Variants in PKD2 observed in about 807,000 individuals in gnomAD.
PKD2 encodes polycystin-2.
A neutral mutation model predicts 105.9 loss-of-function variants in PKD2; 48 were observed. That is an observed-to-expected ratio of 0.45 (90% CI 0.36 to 0.58). The LOEUF is 0.58. Among genes scored for constraint, PKD2 ranks in the 20% least tolerant of loss-of-function variants. The probability of loss-of-function intolerance (pLI) is 0.00; values close to 1 mark genes in which losing one functional copy is unlikely to be tolerated. For missense variants in PKD2, 1,078 were observed against 1,255.3 expected (o/e 0.86, Z 2.13); for synonymous variants, 464 against 481.1 (o/e 0.96, Z 0.46).
chr4:88,070,222 T>G (rs1201646219), intron 13 of PKD2, among the ~76,000 whole-genome samples: 1 of 152,198 alleles, frequency 6.6e-6, no homozygotes, highest in Non-Finnish European at 1.5e-5. Context: ...GTGGTCCCCT[T>G]GTACATGATG....
intron 12 of PKD2, 40 bp downstream of exon 12, chr4:88,065,919 T>G: frequency 1.9e-6 from 2 of 1,057,612 alleles, no homozygotes; most frequent in Non-Finnish European, 3.0e-6. Context: ...ATTTGGTACC[T>G]ACAACACCAC....
At position 88,065,305 on chromosome 4, in the gene PKD2, T is replaced by A; in HGVS notation, c.2119-69T>A. 2.1e-6 allele frequency: 3 copies of A among 1,425,800 alleles called. No individual in the cohort carries two copies. The South Asian group carries it at 3.5e-5, about 16-fold the overall frequency. The allele number at this position is 1,425,800 out of a possible 1,614,324, so 88.3% of individuals were successfully genotyped here. ...GGTTTGTAGTAGTTACTACTGTGAATGGAAAGTAAAACAGATGCAAAAGGA... is the reference window on the plus strand; with the variant it reads ...GGTTTGTAGTAGTTACTACTGTGAAAGGAAAGTAAAACAGATGCAAAAGGA... On this transcript the variant is annotated intron_variant, in intron 10 of 14. Coordinates refer to ENST00000237596, the MANE Select transcript of PKD2 (RefSeq NM_000297.4).
rs373742634 is a variant in PKD2 at position 88,056,102 on chromosome 4, A to G, written c.1733A>G (p.Asn578Ser). The G allele has an allele frequency of 1.1e-5, 17 of 1,612,672 alleles. No homozygotes were observed. The highest frequency in any genetic ancestry group is 1.6e-4 in the Middle Eastern group (1 of 6,062). Residue 578 changes from asparagine to serine, a missense_variant, in exon 8 of 15, where the codon AAT becomes AGT. By Grantham distance (46) the Asn-to-Ser change is conservative. Around this residue, in one of 2 missense-constraint regions of PKD2, gnomAD observed 868 missense variants for 1,067.3 expected, o/e 0.81. Transcript: ENST00000237596. The stretch of plus-strand genomic sequence containing the variant: ...CTCTTACAGCTCTTCAAATTCATCA[A>G]TTTTAACAGGACCATGAGCCAGCTC... ...FVWIKLFKFI[N>S]FNRTMSQLST...
chr4:88,024,251 G>A (rs1726868108), intron 2 of PKD2, among the ~76,000 whole-genome samples: 2 of 151,932 alleles, frequency 1.3e-5, no homozygotes, highest in Admixed American at 6.6e-5. Flanking sequence ...GAGGTCACGA[G>A]TTCAAGACCA....
intron 1 of PKD2, among the ~76,000 whole-genome samples, chr4:88,010,229 G>T (rs1025200957): frequency 6.6e-6 from 1 of 151,892 alleles, no homozygotes; most frequent in Non-Finnish European, 1.5e-5. Context: ...CAAGTAGTTG[G>T]GATTACAGGT....
At chr4:88,036,014 A>G (rs112660125) in intron 2 of PKD2, 7 of 695,294 alleles carry the variant, frequency 1.0e-5, no homozygotes, top group African/African-American at 3.6e-5. Flanking sequence ...GCCAATATTA[A>G]TATTACGTAT....
intron 2 of PKD2, among the ~76,000 whole-genome samples, chr4:88,027,396 C>T (rs1726995539): frequency 6.6e-6 from 1 of 152,168 alleles, no homozygotes; most frequent in Non-Finnish European, 1.5e-5. Context: ...CCTGTGACCC[C>T]TTTGTTTTGG....
At chr4:88,018,651 C>T (rs549405862) in intron 1 of PKD2, among the ~76,000 whole-genome samples, 1 of 152,286 alleles carries the variant, frequency 6.6e-6, no homozygotes, top group East Asian at 1.9e-4. Flanking sequence ...CTGGCTGAGT[C>T]CAAAACTGCG....
intron 9 of PKD2, among the ~76,000 whole-genome samples, chr4:88,060,026 C>T (rs937839691): frequency 2.2e-4 from 34 of 152,248 alleles, no homozygotes; most frequent in Admixed American, 2.0e-3. Context: ...CAGGGAACCT[C>T]GGGAGACAGG....
chr4:88,073,229 A>G (rs1052072235), intron 13 of PKD2, among the ~76,000 whole-genome samples: 1 of 151,370 alleles, frequency 6.6e-6, no homozygotes, highest in Non-Finnish European at 1.5e-5. Context: ...TTTTGTAACA[A>G]GAGTGGGAAA....
chr4:88,046,541 C>T lies in PKD2; in HGVS notation c.1320-101C>T, dbSNP rs931481053. The T allele has an allele frequency of 1.8e-5, 14 of 783,308 alleles. No individual in the cohort carries two copies. The Admixed American group carries it at 1.9e-4, about 11-fold the overall frequency. 48.5% of individuals were successfully genotyped at this position (783,308 alleles called of 1,614,324 possible). ...TTGGGGGGACTCATGGTAGCAGTTT[C>T]ATTACCTTGTAATGCATGAACAGAA... On this transcript the variant is annotated intron_variant, in intron 5 of 14. Transcript: ENST00000237596.
chr4:88,031,067 A>T (rs1727130677), intron 2 of PKD2, among the ~76,000 whole-genome samples: 1 of 152,164 alleles, frequency 6.6e-6, no homozygotes, highest in Non-Finnish European at 1.5e-5. Flanking sequence ...TCAATTTTGA[A>T]TTTTGGTCTT....
chr4:88,060,447 T>TATATATATATATATATCATATATAC lies in PKD2; in HGVS notation c.2020-1449_2020-1448insATATATCATATATACATATATATAT, dbSNP rs1720527891. ...TTTACTAAGCCACTATATCCATATA[T>TATATATATATATATATCATATATAC]ATATATATATCATATATACTGTATA... is the stretch of plus-strand genomic sequence containing the variant. On this transcript the variant is annotated intron_variant, in intron 9 of 14. Coordinates refer to ENST00000237596, the MANE Select transcript of PKD2 (RefSeq NM_000297.4). Among the ~76,000 whole-genome samples the TATATATATATATATATCATATATAC allele has an allele frequency of 3.3e-5, 5 of 151,314 alleles. No individual in the cohort carries two copies. In the South Asian group the frequency reaches 1.0e-3, roughly 31 times the overall value.
At chr4:88,036,007 A>T (rs1304827143) in intron 2 of PKD2, 8 of 665,530 alleles carry the variant, frequency 1.2e-5, no homozygotes, top group Non-Finnish European at 2.1e-5. Flanking sequence ...CCCATAAGCC[A>T]ATATTAATAT....
intron 2 of PKD2, among the ~76,000 whole-genome samples, chr4:88,034,776 C>T (rs550542313): frequency 6.6e-6 from 1 of 151,646 alleles, no homozygotes; most frequent in South Asian, 2.1e-4. Flanking sequence ...TGAATATGAT[C>T]CCTGAAATTT....
chr4:88,009,490 AT>A (rs5860111), intron 1 of PKD2, among the ~76,000 whole-genome samples: 60,146 of 147,862 alleles, frequency 0.41, 12,835 homozygotes, highest in African/African-American at 0.57. Context: ...CAATTTTTGG[AT>A]TTTTTTTTTT....
chr4:88,018,964 T>C (rs551372206), intron 1 of PKD2, among the ~76,000 whole-genome samples: 2 of 152,234 alleles, frequency 1.3e-5, no homozygotes, highest in African/African-American at 2.4e-5. Flanking sequence ...GTTTCTATAT[T>C]GAAGTGATTC....
At position 88,038,520 on chromosome 4, in the gene PKD2, T is replaced by A; in HGVS notation, c.1094+19T>A. 6.2e-7 allele frequency: 1 copy of A among 1,612,496 alleles called. No individual in the cohort carries two copies. The highest frequency in any genetic ancestry group is 8.5e-7 in the Non-Finnish European group (1 of 1,178,542). On this transcript the variant is annotated intron_variant, in intron 4 of 14. Coordinates refer to ENST00000237596, the MANE Select transcript of PKD2 (RefSeq NM_000297.4). ...GAACCGCGTAAGTGTCTGTGACTCA[T>A]TGCCACTCGGTGATATTCATTCATT...
chr4:88,036,410 T>A (rs17786456), intron 3 of PKD2, 57 bp downstream of exon 3: 38 of 1,606,926 alleles, frequency 2.4e-5, no homozygotes, highest in Non-Finnish European at 3.1e-5. Flanking sequence ...TTCATTTGGC[T>A]TCATCATTTC....
Sources: gnomAD v4.1 joint callset for allele counts (sites outside exome capture counted in the v4.1 genomes callset) on GRCh38, gnomAD v4.1.1 for gene constraint, gnomAD v4.1.1 regional missense constraint, MANE v1.5 for transcripts, NCBI Gene and HGNC (gene_info 2026-07-23, HGNC 2026-07-21) for gene names.